SEM1: variants seen among roughly 807,000 people sequenced by gnomAD.
The protein encoded by SEM1 is 26S proteasome complex subunit SEM1.
Under a neutral mutation model 12.7 loss-of-function variants are expected in SEM1, and 3 were observed. The observed-to-expected ratio is 0.24, with a 90% CI of 0.11 to 0.61. The LOEUF is 0.61. Ranked by LOEUF, SEM1 falls within the 20% of genes least tolerant of loss-of-function variation. The pLI, the probability that SEM1 is intolerant of heterozygous loss-of-function variation, is 0.88. For missense variants in SEM1, 59 were observed against 81.3 expected, an observed-to-expected ratio of 0.73 and a Z score of 1.06; for synonymous variants, 30 against 27.8, an observed-to-expected ratio of 1.08 and a Z score of -0.25.
intron 2 of SEM1, among the ~76,000 whole-genome samples, chr7:96,625,756 G>T (rs558652856): frequency 1.3e-5 from 2 of 152,290 alleles, no homozygotes; most frequent in African/African-American, 4.8e-5. Context: ...TAGAACAGCA[G>T]TTCTTAAATT....
At chr7:96,628,648 T>C (rs944169327) in intron 2 of SEM1, among the ~76,000 whole-genome samples, 5 of 152,192 alleles carry the variant, frequency 3.3e-5, no homozygotes, top group Admixed American at 3.3e-4. Context: ...TCTTTTCATC[T>C]TTCTACTTAA....
chr7:96,709,055 T>C (rs1405467917), intron 1 of SEM1, among the ~76,000 whole-genome samples: 1 of 152,170 alleles, frequency 6.6e-6, no homozygotes, highest in Non-Finnish European at 1.5e-5. Context: ...CCTTATGTGA[T>C]CCTCCTGCCT....
intron 2 of SEM1, among the ~76,000 whole-genome samples, chr7:96,653,155 T>C (rs1267497805): frequency 2.0e-5 from 3 of 152,170 alleles, no homozygotes; most frequent in African/African-American, 7.2e-5. Context: ...GGTAAGGCCA[T>C]GATTCCCACC....
intron 2 of SEM1, among the ~76,000 whole-genome samples, chr7:96,579,982 A>G (rs1806335045): frequency 2.0e-5 from 3 of 151,468 alleles, no homozygotes; most frequent in Non-Finnish European, 4.4e-5. Context: ...ATTTATTATT[A>G]TTATACTTTA....
chr7:96,655,996 T>G (rs1389219333), intron 2 of SEM1, among the ~76,000 whole-genome samples: 2 of 152,156 alleles, frequency 1.3e-5, no homozygotes, highest in African/African-American at 4.8e-5. Flanking sequence ...CAACAGATTC[T>G]TCACAGGATC....
At chr7:96,502,749 T>C (rs1371325730) in intron 3 of SEM1, among the ~76,000 whole-genome samples, 2 of 152,240 alleles carry the variant, frequency 1.3e-5, no homozygotes, top group Non-Finnish European at 2.9e-5. Context: ...AATTCACTGA[T>C]ACGCTGCAGT....
chr7:96,571,315 T>G (rs897918394), intron 2 of SEM1, among the ~76,000 whole-genome samples: 3 of 152,254 alleles, frequency 2.0e-5, no homozygotes, highest in Non-Finnish European at 4.4e-5. Context: ...TAGGTTTTCT[T>G]CTAGGGTTTT....
chr7:96,593,576 A>T (rs1046153016), intron 2 of SEM1, among the ~76,000 whole-genome samples: 1 of 152,164 alleles, frequency 6.6e-6, no homozygotes, highest in Non-Finnish European at 1.5e-5. Flanking sequence ...CTGGAGAGTA[A>T]TTCTTCTTAG....
At chr7:96,561,050 G>A (rs1055843034) in intron 2 of SEM1, among the ~76,000 whole-genome samples, 2 of 152,082 alleles carry the variant, frequency 1.3e-5, no homozygotes, top group African/African-American at 4.8e-5. Context: ...CCCAGTAGCT[G>A]AGACTTCACG....
chr7:96,489,795 C>T (rs1448263074), intron 1 of SEM1, among the ~76,000 whole-genome samples: 1 of 152,172 alleles, frequency 6.6e-6, no homozygotes, highest in East Asian at 1.9e-4. Context: ...GTCTCTGCCT[C>T]CGCCTTCACA....
intron 2 of SEM1, among the ~76,000 whole-genome samples, chr7:96,563,540 A>T (rs1049310157): frequency 6.6e-6 from 1 of 152,088 alleles, no homozygotes; most frequent in Non-Finnish European, 1.5e-5. Context: ...AATACAAAAA[A>T]ATTTGGAATT....
intron 3 of SEM1, among the ~76,000 whole-genome samples, chr7:96,484,188 G>A (rs1422794516): frequency 2.0e-5 from 3 of 152,146 alleles, no homozygotes; most frequent in Admixed American, 6.5e-5. Context: ...GGATGCAATC[G>A]CTGGCAGAAT....
chr7:96,568,983 T>A (rs1805936275), intron 2 of SEM1, among the ~76,000 whole-genome samples: 1 of 151,888 alleles, frequency 6.6e-6, no homozygotes, highest in African/African-American at 2.4e-5. Flanking sequence ...AGGACTATTG[T>A]GAATGTGCAG....
At chr7:96,690,912 A>C (rs914000734) in intron 2 of SEM1, among the ~76,000 whole-genome samples, 1 of 152,094 alleles carries the variant, frequency 6.6e-6, no homozygotes, top group Non-Finnish European at 1.5e-5. Context: ...CTGGGACTAC[A>C]GGCGCCCGCC....
chr7:96,555,816 T>G (rs1805469899), intron 2 of SEM1, among the ~76,000 whole-genome samples: 1 of 148,536 alleles, frequency 6.7e-6, no homozygotes, highest in Non-Finnish European at 1.5e-5. Flanking sequence ...TATTAACGTG[T>G]GGGAGTCTAA....
At chr7:96,648,717 G>A (rs1482236406) in intron 2 of SEM1, among the ~76,000 whole-genome samples, 1 of 152,194 alleles carries the variant, frequency 6.6e-6, no homozygotes, top group Non-Finnish European at 1.5e-5. Context: ...ATTTTGGATG[G>A]ATACTTGTGA....
chr7:96,681,609 C>T (rs1026454872), intron 2 of SEM1, among the ~76,000 whole-genome samples: 5 of 152,130 alleles, frequency 3.3e-5, no homozygotes, highest in Non-Finnish European at 7.4e-5. Context: ...GTATGGCTAG[C>T]CAGTTTTCCC....
intron 1 of SEM1, among the ~76,000 whole-genome samples, chr7:96,489,996 G>A (rs1023609892): frequency 4.6e-5 from 7 of 151,940 alleles, no homozygotes; most frequent in African/African-American, 1.7e-4. Flanking sequence ...AATTGTGCAG[G>A]GGCATTGTGA....
chr7:96,634,993 A>G (rs1357244971), intron 2 of SEM1, among the ~76,000 whole-genome samples: 3 of 152,186 alleles, frequency 2.0e-5, no homozygotes, highest in African/African-American at 7.2e-5. Flanking sequence ...AACTACAAAG[A>G]GCCAGTATGG....
Sources: gnomAD v4.1 joint callset for allele counts (sites outside exome capture counted in the v4.1 genomes callset) on GRCh38, gnomAD v4.1.1 for gene constraint, MANE v1.5 for transcripts, NCBI Gene and HGNC (gene_info 2026-07-23, HGNC 2026-07-21) for gene names.